FBN2: variants seen among roughly 807,000 people sequenced by gnomAD.
FBN2 encodes fibrillin-2.
FBN2 carries 105 observed loss-of-function variants against 355.6 expected under a neutral mutation model. The ratio of observed to expected loss-of-function variants is 0.30; its 90% CI spans 0.25 to 0.35. The LOEUF is 0.35. Ranked by LOEUF, FBN2 falls within the 10% of genes least tolerant of loss-of-function variation. The probability of loss-of-function intolerance (pLI) is 1.00; values close to 1 mark genes in which losing one functional copy is unlikely to be tolerated. For synonymous variants in FBN2, 1,350 were observed against 1,301.2 expected (o/e 1.04, Z -0.81); for missense variants, 3,280 against 3,758.7 (o/e 0.87, Z 3.33).
intron 4 of FBN2, among the ~76,000 whole-genome samples, chr5:128,526,037 G>A (rs911265998): frequency 2.0e-5 from 3 of 151,946 alleles, no homozygotes; most frequent in African/African-American, 7.3e-5. Context: ...ACCTACCCCT[G>A]ACCTTAACAG....
chr5:128,311,335 C>G lies in FBN2; in HGVS notation c.5039G>C (p.Gly1680Ala). Residue 1680 changes from glycine to alanine, a missense_variant, in exon 39 of 65, where the codon GGC (glycine) becomes GCC (alanine). Physicochemically the swap from Gly to Ala is moderately conservative, Grantham distance 60. This residue lies in a region of FBN2 where 2,284 missense variants were observed against 2,749.5 expected (regional missense o/e 0.83). Transcript: ENST00000262464. ...FGSFQCECPQ[G>A]YYLSEDTRIC... The stretch of plus-strand genomic sequence containing the variant: ...GCGGGTATCCTCGCTGAGGTAGTAG[C>G]CTTGTGGGCACTCACACTGGAAGCT... 1 of 1,614,086 alleles carries G rather than the reference C, an allele frequency of 6.2e-7. No individual in the cohort carries two copies. The highest frequency in any genetic ancestry group is 8.5e-7 in the Non-Finnish European group (1 of 1,179,994).
At chr5:128,486,254 A>G (rs1417712821) in intron 5 of FBN2, among the ~76,000 whole-genome samples, 1 of 152,186 alleles carries the variant, frequency 6.6e-6, no homozygotes, top group Non-Finnish European at 1.5e-5. Context: ...ACATTAAATG[A>G]GAGCCCTTTA....
At chr5:128,276,243 T>C in intron 58 of FBN2, 83 bp from the exon 59 acceptor site, 1 of 1,449,028 alleles carries the variant, frequency 6.9e-7, no homozygotes, top group Non-Finnish European at 9.7e-7. Flanking sequence ...CTCACTTCAT[T>C]CTTTTTGTTT....
chr5:128,495,572 G>C (rs10478813), intron 5 of FBN2, among the ~76,000 whole-genome samples: 13,274 of 151,970 alleles, frequency 0.087, 705 homozygotes, highest in South Asian at 0.16. Context: ...TAACAATTAA[G>C]GATAAAAAGC....
intron 5 of FBN2, among the ~76,000 whole-genome samples, chr5:128,466,077 C>T (rs184404367): frequency 6.6e-5 from 10 of 152,296 alleles, no homozygotes; most frequent in Admixed American, 1.3e-4. Context: ...TGAAACAGAA[C>T]TGAATCATGA....
chr5:128,374,527 CTCT>C (rs1752030529), intron 15 of FBN2, 98 bp downstream of exon 15: 2 of 1,498,500 alleles, frequency 1.3e-6, no homozygotes, highest in Admixed American at 3.4e-5. Context: ...TTAGCATGTA[CTCT>C]TCTTATGGTG....
At chr5:128,388,634 C>A (rs1388488314) in intron 11 of FBN2, among the ~76,000 whole-genome samples, 1 of 152,136 alleles carries the variant, frequency 6.6e-6, no homozygotes, top group African/African-American at 2.4e-5. Context: ...GTTGGGATTT[C>A]TTTTCTTTAA....
chr5:128,373,919 T>A lies in FBN2; in HGVS notation c.2095+709A>T, dbSNP rs1018935108. Among the ~76,000 whole-genome samples, 5 of 152,200 alleles carry A rather than the reference T, an allele frequency of 3.3e-5. No homozygotes were observed. The South Asian group carries it at 6.2e-4, about 19-fold the overall frequency. On this transcript the variant is annotated intron_variant, in intron 15 of 64. Coordinates refer to ENST00000262464, the MANE Select transcript of FBN2 (RefSeq NM_001999.4). Reference sequence around the variant, plus strand: ...CTTGCTTCTGCAGCTAGTTGCATGGTGATGAGGAGTAACATTTTGAGCTTT... The same window carrying A: ...CTTGCTTCTGCAGCTAGTTGCATGGAGATGAGGAGTAACATTTTGAGCTTT...
At chr5:128,290,275 A>T (rs1374069561) in intron 50 of FBN2, among the ~76,000 whole-genome samples, 1 of 152,134 alleles carries the variant, frequency 6.6e-6, no homozygotes, top group Non-Finnish European at 1.5e-5. Context: ...GAATTATCCT[A>T]TAATTTATGG....
At chr5:128,481,748 C>CA (rs1397986684) in intron 5 of FBN2, among the ~76,000 whole-genome samples, 2 of 151,938 alleles carry the variant, frequency 1.3e-5, no homozygotes, top group South Asian at 2.1e-4. Flanking sequence ...TAATTATTTA[C>CA]AAAAAAATAC....
chr5:128,335,481 A>G lies in FBN2; in HGVS notation c.3821T>C (p.Leu1274Pro). 6.2e-7 allele frequency: 1 copy of G among 1,614,242 alleles called. No homozygotes were observed. The highest frequency in any genetic ancestry group is 8.5e-7 in the Non-Finnish European group (1 of 1,180,046). ...TGCACACGATCTCCCATCTGGCATC[A>G]GGGCATAACCCTCACTGCAGCTGCA... ...YECSCSEGYA[L>P]MPDGRSCADI... is the part of the protein sequence containing the mutation. The change falls in exon 29 of 65, where the codon CTG becomes CCG. Residue 1274 changes from leucine (L) to proline (P), a missense_variant. By Grantham distance (98) the Leu-to-Pro change is moderately conservative. Transcript: ENST00000262464.
intron 7 of FBN2, among the ~76,000 whole-genome samples, chr5:128,421,751 G>A (rs1469457442): frequency 1.3e-5 from 2 of 152,134 alleles, no homozygotes; most frequent in East Asian, 1.9e-4. Flanking sequence ...GGTAAACAGA[G>A]TCACCAGTAT....
rs974543675 is a variant in FBN2 at position 128,312,639 on chromosome 5, T to C, written c.4874A>G (p.Asn1625Ser). ...GNPCETCPPV[N>S]STEYYTLCPG... ...TTCTTCAGCTTTGTACTTACTGCTA[T>C]TGACAGGGGGGCATGTCTCACAGGG... The change falls in exon 37 of 65, where the codon AAT becomes AGT. Residue 1625 changes from asparagine (N) to serine (S), a missense_variant. Physicochemically the swap from Asn to Ser is conservative, Grantham distance 46. This residue lies in a region of FBN2 where 2,284 missense variants were observed against 2,749.5 expected (regional missense o/e 0.83). Coordinates refer to ENST00000262464, the MANE Select transcript of FBN2 (RefSeq NM_001999.4). The C allele has an allele frequency of 4.3e-6, 7 of 1,613,988 alleles. No individual in the cohort carries two copies. Among genetic ancestry groups the C allele is most frequent in the African/African-American group, 1.3e-5 (1 of 74,906 alleles).
intron 41 of FBN2, among the ~76,000 whole-genome samples, chr5:128,307,481 T>G (rs1424552769): frequency 6.6e-6 from 1 of 152,004 alleles, no homozygotes; most frequent in African/African-American, 2.4e-5. Context: ...AAATGTCCAT[T>G]TAGATATTTA....
chr5:128,306,640 T>C (rs2126840083), intron 42 of FBN2, among the ~76,000 whole-genome samples: 1 of 152,140 alleles, frequency 6.6e-6, no homozygotes, highest in Middle Eastern at 3.4e-3. Context: ...AAAATTATAT[T>C]GCTTATCAAA....
chr5:128,286,893 T>C (rs1749167479), intron 54 of FBN2, 44 bp from the exon 55 acceptor site: 2 of 1,589,888 alleles, frequency 1.3e-6, no homozygotes, highest in Non-Finnish European at 8.6e-7. Flanking sequence ...GAGCAAGCTG[T>C]AGTTTAGTAC....
intron 7 of FBN2, among the ~76,000 whole-genome samples, chr5:128,417,439 G>A (rs972227032): frequency 6.6e-6 from 1 of 152,240 alleles, no homozygotes; most frequent in Middle Eastern, 3.4e-3. Context: ...GTTCTTCGAG[G>A]AAAGGCTTTC....
chr5:128,345,632 T>C (rs751540602), intron 23 of FBN2, 48 bp from the exon 24 acceptor site: 10 of 1,514,632 alleles, frequency 6.6e-6, no homozygotes, highest in South Asian at 1.1e-5. Context: ...GAAACATCCA[T>C]TGAACAGTCA....
intron 7 of FBN2, among the ~76,000 whole-genome samples, chr5:128,433,902 G>A (rs887781316): frequency 2.0e-5 from 3 of 152,020 alleles, no homozygotes; most frequent in Admixed American, 6.6e-5. Flanking sequence ...TAAAAACATA[G>A]CAACTCACTC....
Sources: allele counts gnomAD v4.1 joint callset (sites outside exome capture counted in the v4.1 genomes callset), GRCh38; gene constraint gnomAD v4.1.1; regional missense constraint gnomAD v4.1.1; transcripts MANE v1.5; gene names NCBI Gene and HGNC (gene_info 2026-07-23, HGNC 2026-07-21).